PDE4D: variants seen among roughly 807,000 people sequenced by gnomAD.
PDE4D encodes phosphodiesterase 4D, also known as 3',5'-cyclic-AMP phosphodiesterase 4D.
PDE4D carries 24 observed loss-of-function variants against 87.4 expected under a neutral mutation model. The observed-to-expected ratio is 0.27, with a 90% confidence interval of 0.20 to 0.39. The LOEUF (loss-of-function observed/expected upper bound fraction) is 0.39. Among genes scored for constraint, PDE4D ranks in the 10% least tolerant of loss-of-function variants. The pLI, the probability that PDE4D is intolerant of heterozygous loss-of-function variation, is 1.00. For synonymous variants in PDE4D, 384 were observed against 383.2 expected (o/e 1.00, Z -0.02); for missense variants, 714 against 1,041.0 (o/e 0.69, Z 4.32).
intron 2 of PDE4D, among the ~76,000 whole-genome samples, chr5:60,079,738 T>A (rs958264140): frequency 6.6e-6 from 1 of 152,226 alleles, no homozygotes; most frequent in African/African-American, 2.4e-5. Context: ...GGTCTATTTG[T>A]CTGTTTCAGT....
At chr5:59,678,229 ACTT>A (rs1748437577) in intron 1 of PDE4D, among the ~76,000 whole-genome samples, 2 of 152,192 alleles carry the variant, frequency 1.3e-5, no homozygotes, top group Admixed American at 6.5e-5. Context: ...GTTTTTCACA[ACTT>A]CTTATTGTAA....
intron 1 of PDE4D, among the ~76,000 whole-genome samples, chr5:59,513,543 T>C (rs1232408819): frequency 6.6e-6 from 1 of 152,188 alleles, no homozygotes; most frequent in Non-Finnish European, 1.5e-5. Flanking sequence ...ATTAAACCTG[T>C]AAAAGACTAC....
intron 1 of PDE4D, among the ~76,000 whole-genome samples, chr5:59,270,424 C>T (rs532015478): frequency 3.2e-4 from 48 of 152,192 alleles, no homozygotes; most frequent in Non-Finnish European, 6.3e-4. Context: ...TTGTTTCCAA[C>T]CTGAAGCCTT....
chr5:59,750,496 G>A (rs186164925), intron 1 of PDE4D, among the ~76,000 whole-genome samples: 5 of 152,148 alleles, frequency 3.3e-5, no homozygotes, highest in Admixed American at 2.0e-4. Context: ...CATATAGCTC[G>A]TTCAGTCATC....
At chr5:58,986,848 C>G (rs1746542604) in intron 11 of PDE4D, among the ~76,000 whole-genome samples, 1 of 152,044 alleles carries the variant, frequency 6.6e-6, no homozygotes, top group African/African-American at 2.4e-5. Context: ...ACCTTTCTAT[C>G]AGTTGTTTTA....
At chr5:60,369,284 GGT>G (rs1382282679) in intron 1 of PDE4D, among the ~76,000 whole-genome samples, 2 of 151,972 alleles carry the variant, frequency 1.3e-5, no homozygotes, top group Non-Finnish European at 2.9e-5. Context: ...TGACTGAAGA[GGT>G]GAGTTCAGCA....
chr5:59,753,252 A>T (rs1373162465), intron 1 of PDE4D, among the ~76,000 whole-genome samples: 1 of 152,156 alleles, frequency 6.6e-6, no homozygotes, highest in Non-Finnish European at 1.5e-5. Context: ...TCAAACACAA[A>T]TCTAAGTATT....
intron 1 of PDE4D, among the ~76,000 whole-genome samples, chr5:59,741,929 G>T (rs560344069): frequency 6.6e-6 from 1 of 152,146 alleles, no homozygotes; most frequent in Non-Finnish European, 1.5e-5. Flanking sequence ...TTGGGATTAG[G>T]AGTCTGGCCC....
intron 1 of PDE4D, among the ~76,000 whole-genome samples, chr5:60,384,537 C>T (rs1019753186): frequency 6.6e-6 from 1 of 152,092 alleles, no homozygotes; most frequent in Non-Finnish European, 1.5e-5. Flanking sequence ...CTGTTTGCTT[C>T]CTCTCTCCTC....
chr5:60,014,386 G>A (rs530642844), intron 2 of PDE4D, among the ~76,000 whole-genome samples: 1 of 152,128 alleles, frequency 6.6e-6, no homozygotes, highest in Non-Finnish European at 1.5e-5. Context: ...TGCTGGCTTA[G>A]AAAATAATAT....
chr5:60,504,282 A>G (rs1750227289), intron 1 of PDE4D, among the ~76,000 whole-genome samples: 1 of 150,580 alleles, frequency 6.6e-6, no homozygotes, highest in Non-Finnish European at 1.5e-5. Context: ...TGCTTCCATG[A>G]TCTTGCATAT....
chr5:60,474,106 A>ATATATATG (rs1748089927), intron 1 of PDE4D, among the ~76,000 whole-genome samples: 1 of 12,666 alleles, frequency 7.9e-5, no homozygotes, highest in East Asian at 1.4e-3. Context: ...TTGAGCTGCC[A>ATATATATG]TATATATATA....
At chr5:59,394,120 G>C (rs767318674) in intron 1 of PDE4D, among the ~76,000 whole-genome samples, 33 of 132,672 alleles carry the variant, frequency 2.5e-4, no homozygotes, top group African/African-American at 8.7e-4. Flanking sequence ...ATACTGTGTC[G>C]TTTGAGCAGT....
intron 1 of PDE4D, among the ~76,000 whole-genome samples, chr5:59,426,594 C>T (rs1795254685): frequency 6.6e-6 from 1 of 151,894 alleles, no homozygotes; most frequent in Admixed American, 6.6e-5. Flanking sequence ...AAGCACCCCC[C>T]TACCACCCCA....
chr5:59,169,096 G>T (rs959262357), intron 5 of PDE4D, among the ~76,000 whole-genome samples: 1 of 151,962 alleles, frequency 6.6e-6, no homozygotes, highest in Non-Finnish European at 1.5e-5. Flanking sequence ...CAAAAGAAAC[G>T]ACGCTGTGAG....
intron 1 of PDE4D, among the ~76,000 whole-genome samples, chr5:59,840,120 C>A: frequency 6.6e-6 from 1 of 151,824 alleles, no homozygotes; most frequent in Non-Finnish European, 1.5e-5. Context: ...CTTACAAAGT[C>A]CTCCTGCTTC....
intron 1 of PDE4D, among the ~76,000 whole-genome samples, chr5:60,404,242 C>T (rs1583645390): frequency 6.8e-6 from 1 of 146,480 alleles, no homozygotes; most frequent in African/African-American, 2.5e-5. Flanking sequence ...TTAACTAGTA[C>T]ACAATTAGTG....
intron 2 of PDE4D, among the ~76,000 whole-genome samples, chr5:60,102,918 T>A (rs936519866): frequency 2.6e-5 from 4 of 151,462 alleles, no homozygotes. Flanking sequence ...GTCCTCACAC[T>A]AAATCCATTT....
At chr5:59,125,275 A>G (rs1440136201) in intron 5 of PDE4D, 1 of 984,946 alleles carries the variant, frequency 1.0e-6, no homozygotes, top group Non-Finnish European at 1.2e-6. Context: ...GACCTTAGGG[A>G]AAATCTCAAC....
Sources: allele counts gnomAD v4.1 joint callset (sites outside exome capture counted in the v4.1 genomes callset), GRCh38; gene constraint gnomAD v4.1.1; transcripts MANE v1.5; gene names NCBI Gene and HGNC (gene_info 2026-07-23, HGNC 2026-07-21).